ARHGAP42: variants seen among roughly 807,000 people sequenced by gnomAD.
The protein encoded by ARHGAP42 is Rho GTPase activating protein 42, also known as rho GTPase-activating protein 42.
A neutral mutation model predicts 125.0 loss-of-function variants in ARHGAP42; 63 were observed. That is an observed-to-expected ratio of 0.50 (90% CI 0.41 to 0.62). The LOEUF (loss-of-function observed/expected upper bound fraction) is 0.62, where lower values mean the gene tolerates loss of function less well. ARHGAP42 is among the 20% of genes least tolerant of loss of function. The probability of loss-of-function intolerance (pLI) is 0.00; values close to 1 mark genes in which losing one functional copy is unlikely to be tolerated. For synonymous variants in ARHGAP42, 339 were observed against 351.0 expected, an observed-to-expected ratio of 0.97 and a Z score of 0.38; for missense variants, 766 against 1,024.2, an observed-to-expected ratio of 0.75 and a Z score of 3.44.
At chr11:100,781,932 G>A (rs960164865) in intron 2 of ARHGAP42, among the ~76,000 whole-genome samples, 6 of 117,650 alleles carry the variant, frequency 5.1e-5, no homozygotes, top group Non-Finnish European at 9.4e-5. Flanking sequence ...ACCACCACGA[G>A]ATTTTTTTTT....
intron 4 of ARHGAP42, among the ~76,000 whole-genome samples, chr11:100,905,699 G>A (rs998485211): frequency 5.3e-5 from 8 of 152,068 alleles, no homozygotes; most frequent in South Asian, 2.1e-4. Flanking sequence ...ATCTTGGACC[G>A]GACACAGTGG....
At chr11:100,888,737 T>C (rs907270671) in intron 4 of ARHGAP42, among the ~76,000 whole-genome samples, 34 of 152,206 alleles carry the variant, frequency 2.2e-4, no homozygotes, top group Admixed American at 5.2e-4. Context: ...GAAGAACATG[T>C]AATGCTGTAG....
At chr11:100,861,271 C>A (rs527937653) in intron 4 of ARHGAP42, among the ~76,000 whole-genome samples, 11 of 152,110 alleles carry the variant, frequency 7.2e-5, no homozygotes, top group Admixed American at 7.2e-4. Flanking sequence ...AGGGAAGAGC[C>A]TGGCATTTTA....
At position 100,922,906 on chromosome 11, in the gene ARHGAP42, C is replaced by G. The variant is rs58002227; in HGVS notation, c.597+1302C>G. Among the ~76,000 whole-genome samples the G allele has an allele frequency of 6.6e-5, 10 of 152,216 alleles. No individual in the cohort carries two copies. In the East Asian group the frequency reaches 1.7e-3, roughly 26 times the overall value. On this transcript the variant is annotated intron_variant, in intron 6 of 23. Coordinates refer to ENST00000298815, the MANE Select transcript of ARHGAP42 (RefSeq NM_152432.4). ...AGAAAGATTAAGGAACTGAAGACCACCACTCAGGCTCAGGGATTTAACTTT... is the reference window on the plus strand; with the variant it reads ...AGAAAGATTAAGGAACTGAAGACCAGCACTCAGGCTCAGGGATTTAACTTT...
At chr11:100,936,065 G>T in intron 7 of ARHGAP42, 138 bp from the exon 8 acceptor site, 1 of 1,042,786 alleles carries the variant, frequency 9.6e-7, no homozygotes, top group South Asian at 1.6e-5. Flanking sequence ...CAAGGCTGCA[G>T]TGAGCCATAA....
At chr11:100,845,728 C>CTTGTTT (rs1865051139) in intron 3 of ARHGAP42, among the ~76,000 whole-genome samples, 1 of 152,128 alleles carries the variant, frequency 6.6e-6, no homozygotes, top group Non-Finnish European at 1.5e-5. Context: ...TAGTCTTGCC[C>CTTGTTT]TCGTTTTCAC....
At chr11:100,748,313 G>C (rs1013393381) in intron 1 of ARHGAP42, among the ~76,000 whole-genome samples, 6 of 152,174 alleles carry the variant, frequency 3.9e-5, no homozygotes. Context: ...TTTCCTAACA[G>C]AGCTTCTACT....
At chr11:100,784,363 C>G (rs1863383786) in intron 2 of ARHGAP42, among the ~76,000 whole-genome samples, 2 of 152,066 alleles carry the variant, frequency 1.3e-5, no homozygotes, top group Non-Finnish European at 1.5e-5. Flanking sequence ...AAGGTGCCCT[C>G]TAGGAGTTTT....
chr11:100,747,571 C>A (rs1258314195), intron 1 of ARHGAP42, among the ~76,000 whole-genome samples: 1 of 152,128 alleles, frequency 6.6e-6, no homozygotes, highest in African/African-American at 2.4e-5. Flanking sequence ...TTAACTTTAC[C>A]CAATGTGTTT....
At chr11:100,732,172 G>C (rs868864747) in intron 1 of ARHGAP42, among the ~76,000 whole-genome samples, 1 of 151,964 alleles carries the variant, frequency 6.6e-6, no homozygotes, top group Non-Finnish European at 1.5e-5. Flanking sequence ...GGTCAGGCTG[G>C]TCTCGAACTC....
At chr11:100,908,796 A>G (rs1866825679) in intron 4 of ARHGAP42, among the ~76,000 whole-genome samples, 1 of 152,168 alleles carries the variant, frequency 6.6e-6, no homozygotes, top group Non-Finnish European at 1.5e-5. Flanking sequence ...CGGTAGCTCT[A>G]TTCTTAGTTC....
At chr11:100,744,142 T>C (rs1342843586) in intron 1 of ARHGAP42, among the ~76,000 whole-genome samples, 1 of 152,166 alleles carries the variant, frequency 6.6e-6, no homozygotes, top group East Asian at 1.9e-4. Context: ...GGCTAATTTT[T>C]CTATTTTTAG....
chr11:100,853,094 A>G (rs1296486044), intron 3 of ARHGAP42, among the ~76,000 whole-genome samples: 1 of 152,208 alleles, frequency 6.6e-6, no homozygotes, highest in Non-Finnish European at 1.5e-5. Flanking sequence ...AAAATTCTAT[A>G]AAATTGCTTT....
At chr11:100,866,135 A>G (rs11224493) in intron 4 of ARHGAP42, among the ~76,000 whole-genome samples, 10,711 of 152,294 alleles carry the variant, frequency 0.07, 524 homozygotes, top group East Asian at 0.25. Flanking sequence ...AATAGATTCT[A>G]TCTCAAGAAA....
At chr11:100,767,632 G>A (rs1343505425) in intron 1 of ARHGAP42, among the ~76,000 whole-genome samples, 2 of 152,156 alleles carry the variant, frequency 1.3e-5, no homozygotes, top group Non-Finnish European at 2.9e-5. Context: ...TTTGAGGGAA[G>A]TTCAGAAGAA....
At chr11:100,980,871 A>T (rs1184677532) in intron 22 of ARHGAP42, among the ~76,000 whole-genome samples, 2 of 152,046 alleles carry the variant, frequency 1.3e-5, no homozygotes, top group Non-Finnish European at 2.9e-5. Flanking sequence ...GCACCCAGCC[A>T]ACTCATACTT....
At chr11:100,931,634 T>C (rs1249198687) in intron 6 of ARHGAP42, among the ~76,000 whole-genome samples, 2 of 152,210 alleles carry the variant, frequency 1.3e-5, no homozygotes, top group African/African-American at 4.8e-5. Context: ...TAATTATAAA[T>C]GGTAAAACAT....
intron 4 of ARHGAP42, among the ~76,000 whole-genome samples, chr11:100,874,737 C>T (rs1004517110): frequency 6.6e-6 from 1 of 152,114 alleles, no homozygotes; most frequent in African/African-American, 2.4e-5. Flanking sequence ...TCCAGTCTAC[C>T]GTATCTTTCC....
chr11:100,764,020 T>C (rs965090245), intron 1 of ARHGAP42, among the ~76,000 whole-genome samples: 2 of 143,672 alleles, frequency 1.4e-5, no homozygotes, highest in African/African-American at 5.4e-5. Flanking sequence ...CTTCTTCTTC[T>C]TCTTCTTTTT....
Sources: gnomAD v4.1 joint callset for allele counts (sites outside exome capture counted in the v4.1 genomes callset) on GRCh38, gnomAD v4.1.1 for gene constraint, MANE v1.5 for transcripts, NCBI Gene and HGNC (gene_info 2026-07-23, HGNC 2026-07-21) for gene names.